The following GULP1 variants were observed in gnomAD, a reference collection of about 807,000 sequenced individuals.
The protein encoded by GULP1 is GULP PTB domain containing engulfment adaptor 1.
GULP1 carries 19 observed loss-of-function variants against 40.9 expected under a neutral mutation model. That is an observed-to-expected ratio of 0.46 (90% confidence interval 0.32 to 0.68). GULP1 has a LOEUF of 0.68. Among genes scored for constraint, GULP1 ranks in the 30% least tolerant of loss-of-function variants. The pLI is 0.03. For missense variants in GULP1, 312 were observed against 362.2 expected, an observed-to-expected ratio of 0.86 and a Z score of 1.12; for synonymous variants, 119 against 117.6, an observed-to-expected ratio of 1.01 and a Z score of -0.08.
intron 1 of GULP1, among the ~76,000 whole-genome samples, chr2:188,349,864 T>C (rs2044201914): frequency 6.6e-6 from 1 of 152,178 alleles, no homozygotes; most frequent in South Asian, 2.1e-4. Flanking sequence ...CTCTATAAAC[T>C]ATTGTCAGTG....
At chr2:188,458,435 C>T (rs1326482594) in intron 2 of GULP1, among the ~76,000 whole-genome samples, 1 of 152,062 alleles carries the variant, frequency 6.6e-6, no homozygotes. Flanking sequence ...TCTCTACTTC[C>T]TTTCTTCATT....
intron 4 of GULP1, among the ~76,000 whole-genome samples, chr2:188,494,979 G>T (rs1409468348): frequency 6.6e-6 from 1 of 151,962 alleles, no homozygotes; most frequent in African/African-American, 2.4e-5. Flanking sequence ...CTAAATCACT[G>T]ACTCAAGGGT....
Position 188,562,502 on chromosome 2 carries a change from T to C in GULP1, c.400-6737T>C, listed in dbSNP as rs372542139. On this transcript the variant is annotated intron_variant, in intron 7 of 11. Coordinates refer to ENST00000409830, the MANE Select transcript of GULP1 (RefSeq NM_016315.4). ...TCAAAATGTGATTAAAGTGCCAAGA[T>C]GTATTTATGAAATGACATTAATTTA... is the stretch of plus-strand genomic sequence containing the variant. 2.8e-4 allele frequency among the ~76,000 whole-genome samples: 43 copies of C among 152,344 alleles called. 1 individual carries two copies. The highest frequency in any genetic ancestry group is 1.0e-3 in the African/African-American group (42 of 41,580).
rs755329035 is a variant in GULP1, at chr2:188,483,785, T to G, written c.90+293T>G. On this transcript the variant is annotated intron_variant, in intron 4 of 11. Transcript: ENST00000409830. ...CATGGCTTGTAGAAACTCAAACCAC[T>G]AACAAATTAGCTTTCTTTAAAAACA... Among the ~76,000 whole-genome samples the G allele has an allele frequency of 1.5e-4, 23 of 152,146 alleles. 1 individual carries two copies. Among genetic ancestry groups the G allele is most frequent in the Non-Finnish European group, 2.4e-4 (16 of 68,038 alleles).
intron 1 of GULP1, among the ~76,000 whole-genome samples, chr2:188,312,970 G>GTT (rs201030515): frequency 1.2e-4 from 18 of 151,690 alleles, no homozygotes; most frequent in Admixed American, 4.6e-4. Context: ...GGGGTTGTTT[G>GTT]TTTTTTTCCT....
intron 7 of GULP1, among the ~76,000 whole-genome samples, chr2:188,545,236 A>T (rs571139274): frequency 3.9e-5 from 6 of 152,014 alleles, no homozygotes; most frequent in African/African-American, 1.4e-4. Flanking sequence ...TGGCTAAAGG[A>T]AGTTCTCTAA....
chr2:188,472,843 G>A (rs573943894), intron 2 of GULP1, among the ~76,000 whole-genome samples: 2 of 152,180 alleles, frequency 1.3e-5, no homozygotes, highest in Admixed American at 1.3e-4. Context: ...CCTAGTACTT[G>A]TAGATGATTG....
chr2:188,573,958 C>A (rs1337753343), intron 9 of GULP1, among the ~76,000 whole-genome samples: 1 of 152,138 alleles, frequency 6.6e-6, no homozygotes, highest in Admixed American at 6.5e-5. Flanking sequence ...AGAAAGGTGA[C>A]ACTTTTGTCA....
At chr2:188,506,292 T>A (rs963537793) in intron 4 of GULP1, among the ~76,000 whole-genome samples, 13 of 151,892 alleles carry the variant, frequency 8.6e-5, no homozygotes, top group Non-Finnish European at 1.5e-5. Context: ...TTAAAATTAT[T>A]GGGAGAACTA....
intron 1 of GULP1, among the ~76,000 whole-genome samples, chr2:188,300,735 T>C (rs1215013583): frequency 6.6e-6 from 1 of 152,206 alleles, no homozygotes; most frequent in Non-Finnish European, 1.5e-5. Context: ...ACAAGAGCAG[T>C]CTCTTTAAAC....
intron 4 of GULP1, among the ~76,000 whole-genome samples, chr2:188,484,187 T>C (rs1575537838): frequency 6.6e-6 from 1 of 152,084 alleles, no homozygotes; most frequent in Non-Finnish European, 1.5e-5. Flanking sequence ...GGATTACAGG[T>C]AGAAGCCACT....
chr2:188,391,217 AT>A, intron 2 of GULP1, among the ~76,000 whole-genome samples: 1 of 151,866 alleles, frequency 6.6e-6, no homozygotes, highest in Non-Finnish European at 1.5e-5. Flanking sequence ...TTTTCACATT[AT>A]TTATTCTTCC....
chr2:188,493,025 A>G (rs541039452), intron 4 of GULP1, among the ~76,000 whole-genome samples: 1 of 152,248 alleles, frequency 6.6e-6, no homozygotes, highest in Admixed American at 6.6e-5. Context: ...TTCTGAAATT[A>G]TGATTTCCAT....
intron 2 of GULP1, among the ~76,000 whole-genome samples, chr2:188,446,672 C>T (rs1361253291): frequency 6.6e-6 from 1 of 152,084 alleles, no homozygotes; most frequent in African/African-American, 2.4e-5. Context: ...ACACTAGGAT[C>T]CTTTCACTTT....
chr2:188,592,821 C>T (rs1022877746), intron 11 of GULP1: 5 of 151,942 alleles, frequency 3.3e-5, no homozygotes, highest in African/African-American at 1.2e-4. Context: ...AGCTAACATA[C>T]AAGTAGATAT....
intron 1 of GULP1, among the ~76,000 whole-genome samples, chr2:188,343,315 G>T (rs1559131683): frequency 6.6e-6 from 1 of 152,102 alleles, no homozygotes; most frequent in African/African-American, 2.4e-5. Flanking sequence ...AACCAAGAAG[G>T]ATAGGTGATC....
intron 8 of GULP1, chr2:188,569,783 G>A: frequency 2.7e-6 from 1 of 375,090 alleles, no homozygotes; most frequent in Non-Finnish European, 4.8e-6. Context: ...AGTCCAACAA[G>A]AAAACACAAT....
At chr2:188,396,575 G>A (rs537673694) in intron 2 of GULP1, among the ~76,000 whole-genome samples, 33 of 152,310 alleles carry the variant, frequency 2.2e-4, no homozygotes, top group African/African-American at 7.7e-4. Flanking sequence ...AAAACTGCCC[G>A]AGGCCATAAG....
At chr2:188,475,040 T>G (rs1466366454) in intron 2 of GULP1, among the ~76,000 whole-genome samples, 1 of 152,168 alleles carries the variant, frequency 6.6e-6, no homozygotes, top group South Asian at 2.1e-4. Flanking sequence ...TATTAATACA[T>G]AAAATAAATA....
Sources: allele counts gnomAD v4.1 joint callset (sites outside exome capture counted in the v4.1 genomes callset), GRCh38; gene constraint gnomAD v4.1.1; transcripts MANE v1.5; gene names NCBI Gene and HGNC (gene_info 2026-07-23, HGNC 2026-07-21).